LAMP3: variants seen among roughly 807,000 people sequenced by gnomAD.
LAMP3 encodes the protein lysosome associated membrane protein 3.
LAMP3 carries 26 observed loss-of-function variants against 34.8 expected under a neutral mutation model. The ratio of observed to expected loss-of-function variants is 0.75; its 90% CI spans 0.55 to 1.04. The LOEUF (loss-of-function observed/expected upper bound fraction) is 1.04. Among genes scored for constraint, LAMP3 ranks in the 50% least tolerant of loss-of-function variants. The pLI, the probability that LAMP3 is intolerant of heterozygous loss-of-function variation, is 0.00. For synonymous variants in LAMP3, 180 were observed against 201.9 expected (o/e 0.89, Z 0.92); for missense variants, 495 against 524.0 (o/e 0.94, Z 0.54).
chr3:183,154,460 C>T, intron 1 of LAMP3, 69 bp from the exon 2 acceptor site: 1 of 1,178,624 alleles, frequency 8.5e-7, no homozygotes, highest in South Asian at 1.5e-5. Flanking sequence ...CTCCCATCCC[C>T]ATCTTAATGT....
intron 2 of LAMP3, among the ~76,000 whole-genome samples, chr3:183,152,813 G>C (rs1406522837): frequency 2.0e-5 from 3 of 152,130 alleles, no homozygotes; most frequent in Non-Finnish European, 4.4e-5. Context: ...TGCTCTGTAA[G>C]GTACCTCTGT....
Position 183,154,290 on chromosome 3 carries a change from G to A in LAMP3, c.151C>T (p.Pro51Ser). The A allele has an allele frequency of 1.2e-6, 2 of 1,614,050 alleles. No homozygotes were observed. Among genetic ancestry groups the A allele is most frequent in the South Asian group, 2.2e-5 (2 of 91,076 alleles). The change falls in exon 2 of 6, where the codon CCT becomes TCT. Residue 51 changes from proline (P) to serine (S), a missense_variant. By Grantham distance (74) the Pro-to-Ser change is moderately conservative. Transcript: ENST00000265598. Reference sequence around the variant, plus strand: ...GCTTGCTTAGCTGGTTGCTGGACAGGTTTTTTTATGTCCTGTACTGTTGCT... The same window carrying A: ...GCTTGCTTAGCTGGTTGCTGGACAGATTTTTTTATGTCCTGTACTGTTGCT... ...AAATVQDIKK[P>S]VQQPAKQAPH...
At chr3:183,136,663 A>AAAC (rs1553874640) in intron 4 of LAMP3, among the ~76,000 whole-genome samples, 11 of 146,520 alleles carry the variant, frequency 7.5e-5, no homozygotes, top group South Asian at 4.2e-4. Context: ...GAAAAAAAAA[A>AAAC]AAAAAAACAA....
At chr3:183,162,468 T>A in intron 1 of LAMP3, 139 bp downstream of exon 1, 1 of 819,886 alleles carries the variant, frequency 1.2e-6, no homozygotes, top group South Asian at 1.5e-5. Context: ...GGAAAACAAG[T>A]TCCAGCTGGG....
At chr3:183,140,410 CAAAAAAAAAA>C (rs58229572) in intron 4 of LAMP3, 118 bp downstream of exon 4, 41 of 194,446 alleles carry the variant, frequency 2.1e-4, no homozygotes, top group East Asian at 6.6e-4. Flanking sequence ...GACTCCATCT[CAAAAAAAAAA>C]AAAAAAAAAA....
At chr3:183,161,027 C>CA (rs1391892459) in intron 1 of LAMP3, 1 of 152,344 alleles carries the variant, frequency 6.6e-6, no homozygotes, top group East Asian at 1.9e-4. Context: ...GAGGGACAAA[C>CA]AGGAGATACG....
Position 183,162,629 on chromosome 3 carries a change from G to C in LAMP3, c.27C>G (p.Ala9=). The C allele has an allele frequency of 6.5e-7, 1 of 1,544,562 alleles. No homozygotes were observed. ...CACCGGCCAGGGACGCGAAGAGCGC[G>C]GCCGCCGCGCTGAGCTGCCGGGGCA... The part of the protein sequence containing the change: MPRQLSAA[A]ALFASLAVIL... The change falls in exon 1 of 6, where the codon GCC becomes GCG. Residue 9 remains alanine (A), a synonymous_variant. Transcript: ENST00000265598.
chr3:183,123,913 G>T lies in LAMP3; in HGVS notation c.*168C>A. The T allele has an allele frequency of 6.4e-6, 4 of 623,634 alleles. No individual in the cohort carries two copies. The highest frequency in any genetic ancestry group is 1.1e-5 in the Non-Finnish European group (4 of 363,056). 38.6% of individuals were successfully genotyped at this position (623,634 alleles called of 1,614,324 possible). Reference sequence around the variant, plus strand: ...AATAAACAAAAAGTATTTAGAAATTGATGTGCTGCCTGAACTTAAATCACA... The same window carrying T: ...AATAAACAAAAAGTATTTAGAAATTTATGTGCTGCCTGAACTTAAATCACA... On this transcript the variant is annotated 3_prime_UTR_variant, in exon 6 of 6. Transcript: ENST00000265598.
chr3:183,136,524 G>A (rs545419845), intron 4 of LAMP3, among the ~76,000 whole-genome samples: 76 of 152,232 alleles, frequency 5.0e-4, no homozygotes, highest in Admixed American at 4.1e-3. Context: ...GGTGGCACAT[G>A]CCTGTAATCC....
intron 4 of LAMP3, among the ~76,000 whole-genome samples, chr3:183,139,677 C>T (rs1371332523): frequency 6.6e-6 from 1 of 152,196 alleles, no homozygotes; most frequent in Non-Finnish European, 1.5e-5. Context: ...CTCTCAGAAA[C>T]TCTAATTGTA....
rs1576865056 is a variant in LAMP3 at position 183,122,712 on chromosome 3, G to C, written c.*1369C>G. Reference sequence around the variant, plus strand: ...CCCCTCAGTCTCCTTCCAGAGAGTGGAGGATTTATTAAGGATAGGCTATTT... The same window carrying C: ...CCCCTCAGTCTCCTTCCAGAGAGTGCAGGATTTATTAAGGATAGGCTATTT... On this transcript the variant is annotated 3_prime_UTR_variant, in exon 6 of 6. Coordinates refer to ENST00000265598, the MANE Select transcript of LAMP3 (RefSeq NM_014398.4). 6.6e-6 allele frequency: 1 copy of C among 152,208 alleles called. No homozygotes were observed. Among genetic ancestry groups the C allele is most frequent in the Non-Finnish European group, 1.5e-5 (1 of 68,030 alleles). 9.4% of individuals were successfully genotyped at this position (152,208 alleles called of 1,614,324 possible).
intron 5 of LAMP3, among the ~76,000 whole-genome samples, chr3:183,134,719 TGAG>T (rs1325171899): frequency 2.0e-5 from 3 of 152,168 alleles, no homozygotes; most frequent in Admixed American, 6.5e-5. Flanking sequence ...ACTGAGTACA[TGAG>T]GAGAAGTTTT....
rs186511913 is a variant in LAMP3, at chr3:183,136,113, C to T, written c.947-226G>A. On this transcript the variant is annotated intron_variant, in intron 4 of 5. Coordinates refer to ENST00000265598, the MANE Select transcript of LAMP3 (RefSeq NM_014398.4). ...GAGACACCTCACATAAACTGGAATG[C>T]GCAAATAATGAAATGAGAACTTTTG... Among the ~76,000 whole-genome samples, 7 of 152,184 alleles carry T rather than the reference C, an allele frequency of 4.6e-5. No homozygotes were observed. The East Asian group carries it at 1.2e-3, about 25-fold the overall frequency.
In LAMP3 at chr3:183,126,533, AAT is replaced by A. The variant is rs1491277002; in HGVS notation, c.1118-2321_1118-2320del. Among the ~76,000 whole-genome samples the A allele has an allele frequency of 3.8e-5, 5 of 130,052 alleles. No homozygotes were observed. In the East Asian group the frequency reaches 1.1e-3, roughly 29 times the overall value. 85.3% of individuals were successfully genotyped at this position (130,052 alleles called of 152,430 possible). On this transcript the variant is annotated intron_variant, in intron 5 of 5. Transcript: ENST00000265598. Reference sequence around the variant, plus strand: ...TTTTTGGGCATGTAGTTCCTCTGTGAATGTGTGTGTGTGTGTGTGTGTGTGTG... The same window carrying A: ...TTTTTGGGCATGTAGTTCCTCTGTGAGTGTGTGTGTGTGTGTGTGTGTGTG...
Position 183,143,453 on chromosome 3 carries a change from A to G in LAMP3, c.889-2858T>C, listed in dbSNP as rs562269091. Among the ~76,000 whole-genome samples the G allele has an allele frequency of 2.6e-5, 4 of 152,284 alleles. No individual in the cohort carries two copies. The South Asian group carries it at 8.3e-4, about 32-fold the overall frequency. ...ATGATGTCTATCTTTAGAGTAAAGGAAAAGTATCTGTTAGGTGGATTCATG... is the reference window on the plus strand; with the variant it reads ...ATGATGTCTATCTTTAGAGTAAAGGGAAAGTATCTGTTAGGTGGATTCATG... On this transcript the variant is annotated intron_variant, in intron 3 of 5. Transcript: ENST00000265598.
At chr3:183,133,792 T>C (rs1719997951) in intron 5 of LAMP3, among the ~76,000 whole-genome samples, 1 of 152,214 alleles carries the variant, frequency 6.6e-6, no homozygotes, top group Non-Finnish European at 1.5e-5. Flanking sequence ...CTCCAGGATT[T>C]TAGGGAGGAG....
chr3:183,152,496 G>T lies in LAMP3; in HGVS notation c.767C>A (p.Ser256Ter). 1 of 1,607,648 alleles carries T rather than the reference G, an allele frequency of 6.2e-7. No individual in the cohort carries two copies. Residue 256 changes from serine (S) to a stop codon, truncating the protein, a stop_gained, in exon 3 of 6, where the codon TCA (serine) becomes TAA (stop). Transcript: ENST00000265598. LOFTEE classifies it high-confidence loss of function. Reference sequence around the variant, plus strand: ...GTCGATGTTGAAGTATCTCCGAGGTGAAAAAACCTAAATCAAGTTAGATAG... The same window carrying T: ...GTCGATGTTGAAGTATCTCCGAGGTTAAAAAACCTAAATCAAGTTAGATAG... The part of the protein sequence containing the change: ...LIVQDKESVF[S>*]PRRYFNIDPN...
chr3:183,131,764 A>G (rs1400405357), intron 5 of LAMP3: 1 of 335,944 alleles, frequency 3.0e-6, no homozygotes, highest in Admixed American at 6.5e-5. Context: ...AAAATTTGGA[A>G]AAACAAGAAA....
chr3:183,152,272 A>C, intron 3 of LAMP3, 103 bp downstream of exon 3: 1 of 1,263,174 alleles, frequency 7.9e-7, no homozygotes, highest in Non-Finnish European at 1.1e-6. Flanking sequence ...TCTTATCAGC[A>C]AAGATCTCAA....
Sources: gnomAD v4.1 joint callset for allele counts (sites outside exome capture counted in the v4.1 genomes callset) on GRCh38, gnomAD v4.1.1 for gene constraint, MANE v1.5 for transcripts, NCBI Gene and HGNC (gene_info 2026-07-23, HGNC 2026-07-21) for gene names.